Variants in ERC2 observed in about 807,000 individuals in gnomAD.
ERC2 encodes the protein ERC protein 2.
A neutral mutation model predicts 114.8 loss-of-function variants in ERC2; 42 were observed. The ratio of observed to expected loss-of-function variants is 0.37; its 90% CI spans 0.29 to 0.47. The LOEUF is 0.47. Among genes scored for constraint, ERC2 ranks in the 20% least tolerant of loss-of-function variants. The probability of loss-of-function intolerance (pLI) is 0.99; values close to 1 mark genes in which losing one functional copy is unlikely to be tolerated. For missense variants in ERC2, 939 were observed against 1,150.7 expected, an observed-to-expected ratio of 0.82 and a Z score of 2.66; for synonymous variants, 454 against 425.5, an observed-to-expected ratio of 1.07 and a Z score of -0.82.
At chr3:55,937,310 C>T (rs2066508103) in intron 13 of ERC2, among the ~76,000 whole-genome samples, 2 of 152,218 alleles carry the variant, frequency 1.3e-5, no homozygotes, top group African/African-American at 4.8e-5. Flanking sequence ...GATCACACTA[C>T]TGCACTCTAG....
chr3:55,544,595 C>G (rs1311557133), intron 17 of ERC2, among the ~76,000 whole-genome samples: 1 of 152,174 alleles, frequency 6.6e-6, no homozygotes, highest in East Asian at 1.9e-4. Context: ...TAGGATAAAT[C>G]TGAATTCTGA....
chr3:56,083,164 G>A (rs1039183534), intron 6 of ERC2, among the ~76,000 whole-genome samples: 1 of 152,134 alleles, frequency 6.6e-6, no homozygotes, highest in African/African-American at 2.4e-5. Flanking sequence ...ATGTCTATCA[G>A]TAAATGAATG....
intron 16 of ERC2, among the ~76,000 whole-genome samples, chr3:55,690,573 C>T (rs567742241): frequency 7.2e-4 from 110 of 151,756 alleles, no homozygotes; most frequent in Non-Finnish European, 1.2e-3. Context: ...AAGGATACTG[C>T]AACAAATCTC....
At chr3:56,219,001 G>A (rs148917262) in intron 3 of ERC2, among the ~76,000 whole-genome samples, 150 of 152,140 alleles carry the variant, frequency 9.9e-4, no homozygotes, top group Non-Finnish European at 4.3e-4. Flanking sequence ...GGGTGGTTTG[G>A]GGGGAGGGAT....
chr3:55,789,982 A>G (rs1437675722), intron 14 of ERC2, among the ~76,000 whole-genome samples: 1 of 152,166 alleles, frequency 6.6e-6, no homozygotes, highest in African/African-American at 2.4e-5. Context: ...TTACTGCAGC[A>G]TACTCTTAAC....
At chr3:56,049,075 G>C (rs1425918818) in intron 7 of ERC2, among the ~76,000 whole-genome samples, 1 of 152,150 alleles carries the variant, frequency 6.6e-6, no homozygotes, top group African/African-American at 2.4e-5. Flanking sequence ...TACAGAGGAG[G>C]CCAGTAAGGC....
At chr3:56,281,697 C>T (rs1261429355) in intron 3 of ERC2, among the ~76,000 whole-genome samples, 2 of 152,038 alleles carry the variant, frequency 1.3e-5, no homozygotes, top group African/African-American at 4.8e-5. Flanking sequence ...TACTAAGTGC[C>T]GAGCTTTACG....
At chr3:56,102,692 C>T (rs2078427639) in intron 6 of ERC2, among the ~76,000 whole-genome samples, 1 of 152,176 alleles carries the variant, frequency 6.6e-6, no homozygotes, top group South Asian at 2.1e-4. Flanking sequence ...CTCTTCTAAA[C>T]TACAAGCTAA....
intron 1 of ERC2, among the ~76,000 whole-genome samples, chr3:56,467,532 C>A (rs904174853): frequency 1.3e-5 from 2 of 152,056 alleles, no homozygotes; most frequent in Non-Finnish European, 1.5e-5. Flanking sequence ...TGTCCTAAGA[C>A]GATCTTTCAA....
chr3:55,705,343 A>G (rs1046457511), intron 15 of ERC2, among the ~76,000 whole-genome samples: 5 of 152,152 alleles, frequency 3.3e-5, no homozygotes, highest in Non-Finnish European at 2.9e-5. Flanking sequence ...AATCACCTTG[A>G]GAGGAAAGCA....
At chr3:55,562,651 A>G (rs1294061644) in intron 17 of ERC2, among the ~76,000 whole-genome samples, 1 of 152,160 alleles carries the variant, frequency 6.6e-6, no homozygotes, top group Non-Finnish European at 1.5e-5. Context: ...TGCAACACCA[A>G]AGAACACCAA....
intron 13 of ERC2, among the ~76,000 whole-genome samples, chr3:55,902,547 C>T (rs1056799178): frequency 4.6e-5 from 7 of 152,148 alleles, no homozygotes; most frequent in African/African-American, 7.2e-5. Flanking sequence ...CAAGGCTGAC[C>T]GACAGAACTT....
intron 14 of ERC2, among the ~76,000 whole-genome samples, chr3:55,839,218 A>T (rs1167705641): frequency 6.6e-6 from 1 of 151,858 alleles, no homozygotes; most frequent in African/African-American, 2.4e-5. Flanking sequence ...CAGCCAAACT[A>T]GGATACTCTT....
chr3:56,099,444 G>T (rs2078233102), intron 6 of ERC2, among the ~76,000 whole-genome samples: 1 of 152,142 alleles, frequency 6.6e-6, no homozygotes, highest in Admixed American at 6.5e-5. Context: ...CACCGTCCCT[G>T]CATTTCAGAG....
chr3:56,321,284 C>T (rs939747204), intron 2 of ERC2, among the ~76,000 whole-genome samples: 2 of 151,910 alleles, frequency 1.3e-5, no homozygotes, highest in East Asian at 1.9e-4. Flanking sequence ...TTAAGGATAA[C>T]AGCTGAAAGA....
chr3:55,537,395 C>T (rs1202518115), intron 17 of ERC2, among the ~76,000 whole-genome samples: 1 of 152,224 alleles, frequency 6.6e-6, no homozygotes, highest in African/African-American at 2.4e-5. Context: ...AGGCCTGAGA[C>T]TTAACGAAGT....
chr3:55,560,911 A>G (rs2055969469), intron 17 of ERC2, among the ~76,000 whole-genome samples: 1 of 152,174 alleles, frequency 6.6e-6, no homozygotes, highest in Non-Finnish European at 1.5e-5. Flanking sequence ...TTGGCAGATT[A>G]TTGGCCCAGT....
intron 13 of ERC2, among the ~76,000 whole-genome samples, chr3:55,899,167 T>A (rs1050065655): frequency 6.6e-6 from 1 of 152,282 alleles, no homozygotes; most frequent in Non-Finnish European, 1.5e-5. Flanking sequence ...TCAGAAATTA[T>A]TTCGGTCTTT....
intron 3 of ERC2, among the ~76,000 whole-genome samples, chr3:56,220,543 A>G (rs752576531): frequency 1.3e-5 from 2 of 152,238 alleles, no homozygotes; most frequent in Admixed American, 6.5e-5. Flanking sequence ...GGCCCAAAGC[A>G]CAACATAAAG....
Sources: gnomAD v4.1 joint callset for allele counts (sites outside exome capture counted in the v4.1 genomes callset) on GRCh38, gnomAD v4.1.1 for gene constraint, MANE v1.5 for transcripts, NCBI Gene and HGNC (gene_info 2026-07-23, HGNC 2026-07-21) for gene names.